Variants in SPATC1 observed in about 807,000 individuals in gnomAD.
SPATC1 encodes speriolin.
In SPATC1, 35 loss-of-function variants were observed where a neutral mutation model predicts 36.5. The observed-to-expected ratio is 0.96, with a 90% CI of 0.73 to 1.27. The LOEUF (loss-of-function observed/expected upper bound fraction) is 1.27. Ranked by LOEUF, SPATC1 falls within the 50% of genes most tolerant of loss-of-function variation. The probability of loss-of-function intolerance (pLI) is 0.00; values close to 1 mark genes in which losing one functional copy is unlikely to be tolerated. For synonymous variants in SPATC1, 361 were observed against 353.6 expected (o/e 1.02, Z -0.24); for missense variants, 779 against 796.0 (o/e 0.98, Z 0.26).
intron 4 of SPATC1, among the ~76,000 whole-genome samples, chr8:144,043,785 C>T (rs565762805): frequency 1.3e-5 from 2 of 152,064 alleles, no homozygotes; most frequent in East Asian, 1.9e-4. Flanking sequence ...ATGCGCCCAC[C>T]CTGTGTTCAG....
intron 1 of SPATC1, among the ~76,000 whole-genome samples, chr8:144,015,667 G>T (rs1172382516): frequency 6.8e-6 from 1 of 147,406 alleles, no homozygotes; most frequent in Non-Finnish European, 1.5e-5. Context: ...GCTTGCGCCC[G>T]CAAGGCAGAG....
intron 1 of SPATC1, among the ~76,000 whole-genome samples, chr8:144,033,619 C>G (rs1232146552): frequency 6.6e-5 from 10 of 152,130 alleles, no homozygotes; most frequent in African/African-American, 2.4e-4. Context: ...CAGTTGCTAC[C>G]TGTCTGGCTA....
intron 1 of SPATC1, among the ~76,000 whole-genome samples, chr8:144,014,199 C>T (rs1350144603): frequency 2.0e-5 from 3 of 151,244 alleles, no homozygotes; most frequent in African/African-American, 7.3e-5. Flanking sequence ...TGCAGTGAGC[C>T]GAGGTTGCGC....
intron 4 of SPATC1, among the ~76,000 whole-genome samples, chr8:144,041,816 C>A (rs1457726499): frequency 3.9e-5 from 6 of 152,178 alleles, no homozygotes; most frequent in African/African-American, 1.4e-4. Context: ...CAGCTGCATT[C>A]CCGGCTGCTT....
chr8:144,019,656 G>A (rs1488193325), intron 1 of SPATC1, among the ~76,000 whole-genome samples: 3 of 152,118 alleles, frequency 2.0e-5, no homozygotes, highest in African/African-American at 4.8e-5. Context: ...GGGGGCTCAA[G>A]ACACTAAAAC....
At chr8:144,037,853 G>A (rs376165361) in intron 1 of SPATC1, among the ~76,000 whole-genome samples, 2 of 151,770 alleles carry the variant, frequency 1.3e-5, no homozygotes, top group East Asian at 1.9e-4. Context: ...AATTTTGGCC[G>A]GGCTCGGTGG....
chr8:144,040,205 C>G lies in SPATC1; in HGVS notation c.508C>G (p.Leu170Val). The change falls in exon 2 of 5, where the codon CTC becomes GTC. Residue 170 changes from leucine to valine, a missense_variant. Leu to Val is a conservative substitution (Grantham distance 32). Transcript: ENST00000377470. ...PSTGTLTPSSLVAGPVAMSQS... is the reference protein window; with the variant it reads ...PSTGTLTPSSVVAGPVAMSQS... ...CACTGGCACCCTGACTCCCAGCAGC[C>G]TCGTGGCAGGCCCTGTGGCCATGTC... The G allele has an allele frequency of 6.2e-7, 1 of 1,612,690 alleles. No homozygotes were observed. Among genetic ancestry groups the G allele is most frequent in the Non-Finnish European group, 8.5e-7 (1 of 1,179,830 alleles).
chr8:144,046,893 G>GCTGCTGCTCTC lies in SPATC1; in HGVS notation c.1718_1728dup (p.Leu577CysfsTer39). The GCTGCTGCTCTC allele has an allele frequency of 1.9e-6, 3 of 1,599,448 alleles. No homozygotes were observed. The highest frequency in any genetic ancestry group is 2.5e-6 in the Non-Finnish European group (3 of 1,179,722). The stretch of plus-strand genomic sequence containing the variant: ...ACCCCGGCATGCTCGCCGACGCGCT[G>GCTGCTGCTCTC]CTGCTGCTCTCCTGCCTCAGCCAGC... On this transcript the variant is annotated frameshift_variant, in exon 5 of 5. Coordinates refer to ENST00000377470, the MANE Select transcript of SPATC1 (RefSeq NM_198572.3). LOFTEE classifies it high-confidence loss of function. This position sits in a 1 kb window ranked among gnomAD's most constrained non-coding sequence, Gnocchi z 6.6.
chr8:144,041,370 A>G lies in SPATC1; in HGVS notation c.1445A>G (p.Gln482Arg), dbSNP rs150799187. Reference protein sequence around the residue: ...TVSNIPEKIIQASLNPSDHKL... With the variant: ...TVSNIPEKIIRASLNPSDHKL... ...TCCAACATCCCAGAGAAGATCATCC[A>G]GGTGTGCGGCCAGGGGTCCTGCAGG... Residue 482 changes from glutamine (Q) to arginine (R), a missense_variant and splice_region_variant, in exon 4 of 5, where the codon CAG becomes CGG. Physicochemically the swap from Gln to Arg is conservative, Grantham distance 43. Coordinates refer to ENST00000377470, the MANE Select transcript of SPATC1 (RefSeq NM_198572.3). The G allele has an allele frequency of 1.4e-5, 23 of 1,607,814 alleles. No individual in the cohort carries two copies. In the African/African-American group the frequency reaches 2.1e-4, roughly 15 times the overall value.
intron 1 of SPATC1, among the ~76,000 whole-genome samples, chr8:144,031,360 T>A (rs1834789274): frequency 6.6e-6 from 1 of 152,156 alleles, no homozygotes; most frequent in South Asian, 2.1e-4. Flanking sequence ...GCCTTCATAG[T>A]TTCTGATGAA....
In SPATC1 at chr8:144,040,787, C is replaced by T. The variant is rs11787511; in HGVS notation, c.986C>T (p.Ser329Phe). ...PASVPTSPTT[S>F]PTVTVLASAP... ...TCTGTCCCCACCTCCCCCACCACCT[C>T]CCCCACGGTCACCGTCCTTGCCTCT... is the stretch of plus-strand genomic sequence containing the variant. Residue 329 changes from serine to phenylalanine, a missense_variant, in exon 3 of 5, where the codon TCC becomes TTC. Transcript: ENST00000377470. The T allele has an allele frequency of 6.4e-7, 1 of 1,561,254 alleles. No individual in the cohort carries two copies. The highest frequency in any genetic ancestry group is 8.7e-7 in the Non-Finnish European group (1 of 1,153,908).
intron 1 of SPATC1, among the ~76,000 whole-genome samples, chr8:144,038,226 A>T (rs1834966264): frequency 6.6e-6 from 1 of 151,922 alleles, no homozygotes; most frequent in African/African-American, 2.4e-5. Flanking sequence ...TGAGGTCAAG[A>T]GATCAAAACC....
At chr8:144,033,071 C>CA (rs1305550907) in intron 1 of SPATC1, among the ~76,000 whole-genome samples, 4,419 of 128,388 alleles carry the variant, frequency 0.034, 83 homozygotes, top group East Asian at 0.056. Context: ...CAACAAACAG[C>CA]AAAAAAAAAA....
rs1554752623 is a variant in SPATC1, at chr8:144,012,656, G to A, written c.141G>A (p.Gly47=). 3 of 1,551,738 alleles carry A rather than the reference G, an allele frequency of 1.9e-6. No individual in the cohort carries two copies. The highest frequency in any genetic ancestry group is 2.4e-5 in the East Asian group (1 of 40,922). The part of the protein sequence containing the change: ...LKSAIKTQAG[G]LGISGFTSGL... ...CAGCGATCAAGACTCAGGCAGGCGG[G>A]CTCGGCATCAGCGGGTTCACGAGTG... The change falls in exon 1 of 5, where the codon GGG becomes GGA. Residue 47 remains glycine, a synonymous_variant. Transcript: ENST00000377470.
chr8:144,040,589 C>G lies in SPATC1; in HGVS notation c.788C>G (p.Pro263Arg), dbSNP rs782773259. 21 of 1,598,390 alleles carry G rather than the reference C, an allele frequency of 1.3e-5. No individual in the cohort carries two copies. The highest frequency in any genetic ancestry group is 2.2e-5 in the East Asian group (1 of 44,790). The change falls in exon 3 of 5, where the codon CCC (proline) becomes CGC (arginine). Residue 263 changes from proline to arginine, a missense_variant. Coordinates refer to ENST00000377470, the MANE Select transcript of SPATC1 (RefSeq NM_198572.3). ...TTKVPLSTEP[P>R]QSTQDPEPLS... ...CTAGTCCCACTCTCCACTGAGCCCC[C>G]CCAGTCGACCCAGGACCCAGAGCCT...
intron 1 of SPATC1, among the ~76,000 whole-genome samples, chr8:144,033,066 A>G (rs1468080500): frequency 7.6e-6 from 1 of 131,018 alleles, no homozygotes; most frequent in Non-Finnish European, 1.6e-5. Flanking sequence ...GTTTTCAACA[A>G]ACAGCAAAAA....
Position 144,046,741 on chromosome 8 carries a change from C to G in SPATC1, c.1561C>G (p.His521Asp), listed in dbSNP as rs782324031. The G allele has an allele frequency of 5.6e-6, 9 of 1,612,208 alleles. No homozygotes were observed. The highest frequency in any genetic ancestry group is 1.3e-5 in the African/African-American group (1 of 75,068). Residue 521 changes from histidine to aspartate, a missense_variant, in exon 5 of 5, where the codon CAC becomes GAC. Transcript: ENST00000377470. This position sits in a 1 kb window ranked among gnomAD's most constrained non-coding sequence, Gnocchi z 6.6. ...GAGTCTGGGCTACAACGGGCGGGTG[C>G]ACCCTGCGCTGACCGAGCAGCTGGT... ...LQSLGYNGRV[H>D]PALTEQLVNA...
At chr8:144,011,006 A>G (rs573587316), upstream of SPATC1, among the ~76,000 whole-genome samples, 1 of 152,144 alleles carries the variant, frequency 6.6e-6, no homozygotes, top group Non-Finnish European at 1.5e-5. The surrounding 1 kb of genome is among the most constrained non-coding windows in gnomAD (Gnocchi z 4.5). Flanking sequence ...TAAAGTCAAC[A>G]TCTTGTAGCT....
intron 4 of SPATC1, among the ~76,000 whole-genome samples, chr8:144,044,133 TG>T (rs1835191433): frequency 6.6e-6 from 1 of 152,178 alleles, no homozygotes; most frequent in African/African-American, 2.4e-5. Flanking sequence ...TCCACTCTCC[TG>T]GGGAGGCATT....
Sources: allele counts gnomAD v4.1 joint callset (sites outside exome capture counted in the v4.1 genomes callset), GRCh38; gene constraint gnomAD v4.1.1; non-coding constraint Gnocchi (gnomAD v3.1); transcripts MANE v1.5; gene names NCBI Gene and HGNC (gene_info 2026-07-23, HGNC 2026-07-21).